CAMSAP2: variants seen among roughly 807,000 people sequenced by gnomAD.
CAMSAP2 encodes the protein calmodulin-regulated spectrin-associated protein 2.
Under a neutral mutation model 146.1 loss-of-function variants are expected in CAMSAP2, and 26 were observed. That is an observed-to-expected ratio of 0.18 (90% CI 0.13 to 0.25). CAMSAP2 has a LOEUF of 0.25. Among genes scored for constraint, CAMSAP2 ranks in the 10% least tolerant of loss-of-function variants. CAMSAP2 has a pLI of 1.00. For synonymous variants in CAMSAP2, 499 were observed against 596.6 expected (o/e 0.84, Z 2.38); for missense variants, 1,381 against 1,759.3 (o/e 0.78, Z 3.85).
At chr1:200,806,594 CATT>C (rs1013124518) in intron 2 of CAMSAP2, among the ~76,000 whole-genome samples, 3 of 152,090 alleles carry the variant, frequency 2.0e-5, no homozygotes, top group African/African-American at 7.2e-5. Flanking sequence ...AATGTTGTAA[CATT>C]GTTGGTAATG....
intron 4 of CAMSAP2, among the ~76,000 whole-genome samples, chr1:200,826,157 G>C (rs1167255469): frequency 6.6e-6 from 1 of 152,010 alleles, no homozygotes; most frequent in Non-Finnish European, 1.5e-5. Context: ...ATGGCTGGGC[G>C]TGGTGGCTCA....
chr1:200,762,947 T>C (rs1373878984), intron 2 of CAMSAP2, among the ~76,000 whole-genome samples: 2 of 152,108 alleles, frequency 1.3e-5, no homozygotes, highest in Non-Finnish European at 2.9e-5. Flanking sequence ...TTGCCCAGGC[T>C]GGAGTGCAGT....
intron 2 of CAMSAP2, among the ~76,000 whole-genome samples, chr1:200,792,516 G>A (rs1665782246): frequency 6.6e-6 from 1 of 152,012 alleles, no homozygotes; most frequent in South Asian, 2.1e-4. Flanking sequence ...GTGGTGGAAG[G>A]CACCTGTAAT....
intron 1 of CAMSAP2, among the ~76,000 whole-genome samples, chr1:200,753,781 C>T (rs1664574370): frequency 6.6e-6 from 1 of 152,134 alleles, no homozygotes; most frequent in African/African-American, 2.4e-5. Flanking sequence ...TCTGGCAGAC[C>T]CACTCTGTAC....
intron 4 of CAMSAP2, among the ~76,000 whole-genome samples, chr1:200,821,296 C>A (rs772258207): frequency 2.6e-5 from 4 of 151,926 alleles, no homozygotes; most frequent in Admixed American, 6.6e-5. Context: ...AATCTTCCCA[C>A]CTCAGCCTCC....
rs758571803 is a variant in CAMSAP2, at chr1:200,837,530, T to A, written c.928-4464T>A. On this transcript the variant is annotated intron_variant, in intron 6 of 16. Coordinates refer to ENST00000358823, the MANE Select transcript of CAMSAP2 (RefSeq NM_203459.4). ...ATGATGCCTCCTGCTTTGTTCTTTT[T>A]GCTTAAGATTGCCTTGGGTATTCAG... Among the ~76,000 whole-genome samples the A allele has an allele frequency of 2.8e-4, 42 of 152,202 alleles. 1 individual carries two copies. Among genetic ancestry groups the A allele is most frequent in the Non-Finnish European group, 5.9e-5 (4 of 68,028 alleles).
chr1:200,750,363 T>C (rs1664464794), intron 1 of CAMSAP2, among the ~76,000 whole-genome samples: 1 of 152,126 alleles, frequency 6.6e-6, no homozygotes, highest in South Asian at 2.1e-4. Flanking sequence ...TTTATTGATA[T>C]AAGGAACACT....
At chr1:200,797,315 C>T (rs1665912171) in intron 2 of CAMSAP2, among the ~76,000 whole-genome samples, 1 of 151,538 alleles carries the variant, frequency 6.6e-6, no homozygotes, top group African/African-American at 2.4e-5. Flanking sequence ...TATTTCTCCA[C>T]ATCCTCTCCA....
At chr1:200,800,725 T>C (rs1022315274) in intron 2 of CAMSAP2, among the ~76,000 whole-genome samples, 2 of 152,240 alleles carry the variant, frequency 1.3e-5, no homozygotes, top group Non-Finnish European at 2.9e-5. Context: ...GCTGGTTATT[T>C]TGCCTGTTAG....
At chr1:200,800,043 T>C (rs1665994193) in intron 2 of CAMSAP2, among the ~76,000 whole-genome samples, 1 of 152,240 alleles carries the variant, frequency 6.6e-6, no homozygotes, top group African/African-American at 2.4e-5. Context: ...CTGTTTGTTA[T>C]GATTTCCATT....
At chr1:200,777,247 A>G (rs1169874456) in intron 2 of CAMSAP2, among the ~76,000 whole-genome samples, 2 of 152,186 alleles carry the variant, frequency 1.3e-5, no homozygotes, top group East Asian at 1.9e-4. Context: ...TATCCTAGAT[A>G]TAGAATAAAG....
intron 2 of CAMSAP2, among the ~76,000 whole-genome samples, chr1:200,774,730 C>T (rs889558985): frequency 3.3e-5 from 5 of 152,092 alleles, no homozygotes; most frequent in South Asian, 2.1e-4. Context: ...ATCGCATTGC[C>T]GACAGAGGGA....
intron 6 of CAMSAP2, among the ~76,000 whole-genome samples, chr1:200,835,429 G>A (rs1667160955): frequency 6.6e-6 from 1 of 152,154 alleles, no homozygotes; most frequent in South Asian, 2.1e-4. Context: ...CTGGGGATTT[G>A]GTCATTTATT....
At chr1:200,782,901 C>T (rs891057241) in intron 2 of CAMSAP2, among the ~76,000 whole-genome samples, 4 of 150,886 alleles carry the variant, frequency 2.7e-5, no homozygotes, top group African/African-American at 9.8e-5. Flanking sequence ...ATTCTCCCAC[C>T]TCTGCCTCCC....
chr1:200,739,617 G>C lies in CAMSAP2; in HGVS notation c.-211G>C. The C allele has an allele frequency of 3.4e-6, 1 of 295,414 alleles. No individual in the cohort carries two copies. Among genetic ancestry groups the C allele is most frequent in the African/African-American group, 2.4e-5 (1 of 42,124 alleles). 18.3% of individuals were successfully genotyped at this position (295,414 alleles called of 1,614,324 possible). ...ACGGCGCCGCCACATTCCTATGCCC[G>C]GGAGCGGCGGCGGCGGCGGCGGCGG... On this transcript the variant is annotated 5_prime_UTR_variant, in exon 1 of 17. Coordinates refer to ENST00000358823, the MANE Select transcript of CAMSAP2 (RefSeq NM_203459.4). This position sits in a 1 kb window ranked among gnomAD's most constrained non-coding sequence, Gnocchi z 4.8.
At chr1:200,787,271 C>T (rs973980432) in intron 2 of CAMSAP2, among the ~76,000 whole-genome samples, 1 of 152,068 alleles carries the variant, frequency 6.6e-6, no homozygotes, top group Non-Finnish European at 1.5e-5. Context: ...AAATTTAAAA[C>T]CTTCTGAAAA....
intron 7 of CAMSAP2, among the ~76,000 whole-genome samples, chr1:200,843,544 AATT>A (rs1225256854): frequency 6.6e-6 from 1 of 152,176 alleles, no homozygotes; most frequent in African/African-American, 2.4e-5. Flanking sequence ...AATTTTTAAA[AATT>A]ATTAACAGGG....
At chr1:200,840,233 C>G (rs78813787) in intron 6 of CAMSAP2, among the ~76,000 whole-genome samples, 3,733 of 152,126 alleles carry the variant, frequency 0.025, 163 homozygotes, top group African/African-American at 0.083. Flanking sequence ...ATTAGTTGCT[C>G]GAGACAAAAA....
intron 2 of CAMSAP2, among the ~76,000 whole-genome samples, chr1:200,798,986 A>T (rs996656042): frequency 7.9e-5 from 12 of 152,088 alleles, no homozygotes; most frequent in South Asian, 4.1e-4. Context: ...ATTTGCGTAT[A>T]TTGAACCAGC....
Sources: allele counts gnomAD v4.1 joint callset (sites outside exome capture counted in the v4.1 genomes callset), GRCh38; gene constraint gnomAD v4.1.1; non-coding constraint Gnocchi (gnomAD v3.1); transcripts MANE v1.5; gene names NCBI Gene and HGNC (gene_info 2026-07-23, HGNC 2026-07-21).